The following RPS6KC1 variants were observed in gnomAD, a reference collection of about 807,000 sequenced individuals.
RPS6KC1 encodes the protein ribosomal protein S6 kinase C1.
Under a neutral mutation model 103.8 loss-of-function variants are expected in RPS6KC1, and 54 were observed. The ratio of observed to expected loss-of-function variants is 0.52; its 90% confidence interval spans 0.42 to 0.65. The LOEUF is 0.65. RPS6KC1 is among the 30% of genes least tolerant of loss of function. RPS6KC1 has a pLI of 0.00. For synonymous variants in RPS6KC1, 439 were observed against 438.7 expected (o/e 1.00, Z -0.01); for missense variants, 1,151 against 1,253.8 (o/e 0.92, Z 1.24).
chr1:213,057,426 A>G (rs2077425761), intron 1 of RPS6KC1, among the ~76,000 whole-genome samples: 1 of 152,188 alleles, frequency 6.6e-6, no homozygotes, highest in Non-Finnish European at 1.5e-5. Flanking sequence ...GTATAAATTC[A>G]TTTATCTACC....
At chr1:213,500,756 T>A in the RPS6KC1 span, among the ~76,000 whole-genome samples, 1 of 152,220 alleles carries the variant, frequency 6.6e-6, no homozygotes, top group Non-Finnish European at 1.5e-5. Context: ...ATGTGGTGCG[T>A]GACTGCATTT....
intron 6 of RPS6KC1, among the ~76,000 whole-genome samples, chr1:213,136,675 A>G (rs2086302120): frequency 6.6e-6 from 1 of 152,140 alleles, no homozygotes; most frequent in Non-Finnish European, 1.5e-5. Flanking sequence ...TATATTATAT[A>G]TACAGAAAAG....
At chr1:213,808,824 G>A in the RPS6KC1 span, among the ~76,000 whole-genome samples, 1 of 152,200 alleles carries the variant, frequency 6.6e-6, no homozygotes. Flanking sequence ...CTAGTGAGAT[G>A]AACCCGGTAC....
intron 8 of RPS6KC1, among the ~76,000 whole-genome samples, chr1:213,202,227 C>T (rs1182196583): frequency 6.6e-6 from 1 of 152,042 alleles, no homozygotes; most frequent in Non-Finnish European, 1.5e-5. Context: ...TCTCAACTTA[C>T]TGTATTACAG....
At chr1:213,585,355 T>C in the RPS6KC1 span, among the ~76,000 whole-genome samples, 6 of 152,226 alleles carry the variant, frequency 3.9e-5, no homozygotes, top group East Asian at 9.7e-4. Flanking sequence ...TTTCTCCCCC[T>C]GAGAAAGGAC....
the RPS6KC1 span, among the ~76,000 whole-genome samples, chr1:213,634,734 C>T: frequency 4.7e-5 from 7 of 149,552 alleles, no homozygotes; most frequent in Non-Finnish European, 1.0e-4. Flanking sequence ...AAGATCAGAT[C>T]AGAACTGAAA....
At chr1:213,305,373 G>A in the RPS6KC1 span, among the ~76,000 whole-genome samples, 4 of 152,224 alleles carry the variant, frequency 2.6e-5, no homozygotes, top group Admixed American at 2.0e-4. Context: ...ATGAGCCACT[G>A]TGCCTGGCCA....
At chr1:213,672,450 T>C in the RPS6KC1 span, among the ~76,000 whole-genome samples, 2 of 152,238 alleles carry the variant, frequency 1.3e-5, no homozygotes, top group Admixed American at 1.3e-4. Flanking sequence ...TTCAAATCTT[T>C]ACCATAGAGG....
chr1:213,636,596 C>A, the RPS6KC1 span, among the ~76,000 whole-genome samples: 1 of 152,128 alleles, frequency 6.6e-6, no homozygotes, highest in African/African-American at 2.4e-5. Flanking sequence ...CTTCCTTACA[C>A]CTTATACAAA....
the RPS6KC1 span, among the ~76,000 whole-genome samples, chr1:213,618,310 C>T: frequency 1.3e-5 from 2 of 152,184 alleles, no homozygotes; most frequent in Non-Finnish European, 2.9e-5. Flanking sequence ...TTTGAGAACA[C>T]TGAATGAGAT....
At chr1:213,292,430 T>C in the RPS6KC1 span, among the ~76,000 whole-genome samples, 1 of 152,136 alleles carries the variant, frequency 6.6e-6, no homozygotes, top group African/African-American at 2.4e-5. Context: ...TATGTGAATT[T>C]GGTTACAAAA....
chr1:213,311,564 G>A, the RPS6KC1 span, among the ~76,000 whole-genome samples: 1 of 152,102 alleles, frequency 6.6e-6, no homozygotes, highest in Non-Finnish European at 1.5e-5. Context: ...CTTGTAGTGG[G>A]AAGAGAGGTT....
chr1:213,748,326 A>G, the RPS6KC1 span, among the ~76,000 whole-genome samples: 1 of 152,222 alleles, frequency 6.6e-6, no homozygotes, highest in Non-Finnish European at 1.5e-5. Flanking sequence ...ACGTTAGTGA[A>G]TACATAGATA....
At chr1:213,615,388 C>A in the RPS6KC1 span, among the ~76,000 whole-genome samples, 1 of 152,222 alleles carries the variant, frequency 6.6e-6, no homozygotes, top group Non-Finnish European at 1.5e-5. Flanking sequence ...CAGAAGACAC[C>A]AGCCTTCAGT....
At chr1:213,174,001 A>G (rs2091675536) in intron 7 of RPS6KC1, among the ~76,000 whole-genome samples, 1 of 152,242 alleles carries the variant, frequency 6.6e-6, no homozygotes, top group Non-Finnish European at 1.5e-5. Context: ...ATACTTGGCC[A>G]TATTTTCTAA....
chr1:213,461,533 T>C, the RPS6KC1 span, among the ~76,000 whole-genome samples: 1 of 152,108 alleles, frequency 6.6e-6, no homozygotes, highest in Non-Finnish European at 1.5e-5. Flanking sequence ...TAAACTATAC[T>C]ACAAGGCTAC....
the RPS6KC1 span, among the ~76,000 whole-genome samples, chr1:213,815,852 C>A: frequency 1.3e-5 from 2 of 152,228 alleles, no homozygotes; most frequent in Admixed American, 6.5e-5. Context: ...TTTAGCCCAT[C>A]TCAGCTTTCC....
the RPS6KC1 span, among the ~76,000 whole-genome samples, chr1:213,484,821 A>G: frequency 1.3e-5 from 2 of 152,210 alleles, no homozygotes; most frequent in Non-Finnish European, 2.9e-5. Flanking sequence ...CAAATGGAGA[A>G]GTGAGCTAGG....
the RPS6KC1 span, among the ~76,000 whole-genome samples, chr1:213,326,309 G>A: frequency 2.0e-5 from 3 of 152,162 alleles, no homozygotes; most frequent in East Asian, 1.9e-4. Flanking sequence ...TCAATAAACA[G>A]CACTTTTTTC....
Sources: gnomAD v4.1 joint callset for allele counts (sites outside exome capture counted in the v4.1 genomes callset) on GRCh38, gnomAD v4.1.1 for gene constraint, MANE v1.5 for transcripts, NCBI Gene and HGNC (gene_info 2026-07-23, HGNC 2026-07-21) for gene names.